Variants in PLCB4 observed in about 807,000 individuals in gnomAD.
PLCB4 encodes 1-phosphatidylinositol 4,5-bisphosphate phosphodiesterase beta-4.
PLCB4 carries 77 observed loss-of-function variants against 178.8 expected under a neutral mutation model. The observed-to-expected ratio is 0.43, with a 90% confidence interval of 0.36 to 0.52. PLCB4 has a LOEUF of 0.52. PLCB4 is among the 20% of genes least tolerant of loss of function. PLCB4 has a pLI of 0.00. For synonymous variants in PLCB4, 496 were observed against 490.8 expected (o/e 1.01, Z -0.14); for missense variants, 1,024 against 1,453.4 (o/e 0.70, Z 4.80).
chr20:9,278,242 G>A (rs2094466613), intron 3 of PLCB4, among the ~76,000 whole-genome samples: 1 of 151,994 alleles, frequency 6.6e-6, no homozygotes. Context: ...ACTACAAATT[G>A]AAATGCTCTG....
chr20:9,075,708 A>T (rs1441789287), intron 1 of PLCB4, among the ~76,000 whole-genome samples: 1 of 152,252 alleles, frequency 6.6e-6, no homozygotes, highest in Non-Finnish European at 1.5e-5. Context: ...CTCGGGTCTG[A>T]CAGGTTTCTG....
At chr20:9,086,256 A>G (rs140000409) in intron 1 of PLCB4, among the ~76,000 whole-genome samples, 9 of 152,268 alleles carry the variant, frequency 5.9e-5, no homozygotes, top group African/African-American at 2.2e-4. Context: ...ATGTAGAAAT[A>G]CCTTTATAAA....
At chr20:9,199,430 T>C (rs1335935128) in intron 2 of PLCB4, among the ~76,000 whole-genome samples, 4 of 152,218 alleles carry the variant, frequency 2.6e-5, no homozygotes, top group Admixed American at 2.0e-4. Flanking sequence ...TAAAGGACGG[T>C]ACGTTGAGTA....
intron 2 of PLCB4, among the ~76,000 whole-genome samples, chr20:9,125,522 T>G (rs1371009903): frequency 1.3e-5 from 2 of 152,198 alleles, no homozygotes; most frequent in Non-Finnish European, 2.9e-5. Context: ...TAGATATAAC[T>G]CGTAATGAGG....
At chr20:9,138,961 A>C (rs1012173474) in intron 2 of PLCB4, among the ~76,000 whole-genome samples, 1 of 152,150 alleles carries the variant, frequency 6.6e-6, no homozygotes, top group Non-Finnish European at 1.5e-5. Flanking sequence ...TATTATAGTC[A>C]AAGCCTTTGT....
intron 28 of PLCB4, among the ~76,000 whole-genome samples, chr20:9,428,772 G>A (rs931928303): frequency 5.3e-5 from 8 of 152,126 alleles, no homozygotes; most frequent in African/African-American, 1.9e-4. Context: ...GGGTGGGGAG[G>A]GGGAGTGTAG....
chr20:9,319,229 TA>T (rs11477728), intron 4 of PLCB4, among the ~76,000 whole-genome samples: 17,018 of 152,178 alleles, frequency 0.11, 1,157 homozygotes, highest in East Asian at 0.25. Context: ...GAAATTTTTT[TA>T]AAAAATCAAG....
At chr20:9,254,022 C>T (rs748207370) in intron 3 of PLCB4, among the ~76,000 whole-genome samples, 4 of 152,116 alleles carry the variant, frequency 2.6e-5, no homozygotes, top group Non-Finnish European at 4.4e-5. Context: ...TGTTCATGTC[C>T]CTTGGGCTCA....
At chr20:9,103,673 C>T (rs569911425) in intron 2 of PLCB4, among the ~76,000 whole-genome samples, 4 of 152,264 alleles carry the variant, frequency 2.6e-5, no homozygotes, top group South Asian at 4.1e-4. Context: ...GATTGGTCTA[C>T]GTTAAATCCC....
At chr20:9,399,990 T>C (rs2038906751) in intron 19 of PLCB4, among the ~76,000 whole-genome samples, 1 of 152,188 alleles carries the variant, frequency 6.6e-6, no homozygotes. Context: ...CTGCATCTAG[T>C]TCCTCGTTTA....
chr20:9,111,141 C>T (rs2091561601), intron 2 of PLCB4, among the ~76,000 whole-genome samples: 1 of 152,160 alleles, frequency 6.6e-6, no homozygotes, highest in Non-Finnish European at 1.5e-5. Context: ...AGACACCCCC[C>T]TCAGGGATGA....
At chr20:9,329,023 A>T (rs1274210637) in intron 4 of PLCB4, among the ~76,000 whole-genome samples, 2 of 152,224 alleles carry the variant, frequency 1.3e-5, no homozygotes, top group Non-Finnish European at 2.9e-5. Flanking sequence ...CAAGTGTGCA[A>T]AGAAGCTGGC....
At chr20:9,219,732 TTA>T (rs1461902659) in intron 3 of PLCB4, among the ~76,000 whole-genome samples, 1 of 152,180 alleles carries the variant, frequency 6.6e-6, no homozygotes, top group Non-Finnish European at 1.5e-5. Flanking sequence ...TGAGTTGTTT[TTA>T]AAACACTGAA....
At chr20:9,277,739 G>A (rs1282276009) in intron 3 of PLCB4, among the ~76,000 whole-genome samples, 1 of 151,882 alleles carries the variant, frequency 6.6e-6, no homozygotes, top group Non-Finnish European at 1.5e-5. Flanking sequence ...ATGACCGAGG[G>A]TACCCAAGTA....
At chr20:9,470,154 C>G (rs2122627594) in intron 36 of PLCB4, among the ~76,000 whole-genome samples, 1 of 152,168 alleles carries the variant, frequency 6.6e-6, no homozygotes, top group East Asian at 1.9e-4. Context: ...CATGGTGAAA[C>G]CTCACCTCTA....
At chr20:9,146,596 T>A in intron 2 of PLCB4, among the ~76,000 whole-genome samples, 1 of 152,184 alleles carries the variant, frequency 6.6e-6, no homozygotes. Flanking sequence ...AACATTTTTA[T>A]AAGGTGTTCT....
chr20:9,090,512 G>GTT (rs745364250), intron 1 of PLCB4, among the ~76,000 whole-genome samples: 3 of 35,962 alleles, frequency 8.3e-5, no homozygotes, highest in East Asian at 7.0e-4. Flanking sequence ...TTTTTAGTGT[G>GTT]TTTTTTTTTT....
chr20:9,169,167 A>G lies in PLCB4; in HGVS notation c.-78-48223A>G, dbSNP rs1263406253. On this transcript the variant is annotated intron_variant, in intron 2 of 39. Transcript: ENST00000378473. ...ACTTTAGCTCCCTGTGAATTTAAATATAGAAACTTTATTTGTGAGGAGCTG... is the reference window on the plus strand; with the variant it reads ...ACTTTAGCTCCCTGTGAATTTAAATGTAGAAACTTTATTTGTGAGGAGCTG... Among the ~76,000 whole-genome samples the G allele has an allele frequency of 3.3e-5, 5 of 152,172 alleles. No individual in the cohort carries two copies. The East Asian group carries it at 5.8e-4, about 18-fold the overall frequency.
At chr20:9,470,880 T>A (rs996589984) in intron 36 of PLCB4, among the ~76,000 whole-genome samples, 8 of 152,214 alleles carry the variant, frequency 5.3e-5, no homozygotes, top group African/African-American at 1.9e-4. Context: ...TTCCAAAATA[T>A]CTACAAATTG....
Sources: allele counts gnomAD v4.1 joint callset (sites outside exome capture counted in the v4.1 genomes callset), GRCh38; gene constraint gnomAD v4.1.1; transcripts MANE v1.5; gene names NCBI Gene and HGNC (gene_info 2026-07-23, HGNC 2026-07-21).